EIF3CL: variants seen among roughly 807,000 people sequenced by gnomAD.
EIF3CL encodes the protein eukaryotic translation initiation factor 3 subunit C like.
For synonymous variants in EIF3CL, 2 were observed against 19.6 expected, an observed-to-expected ratio of 0.10 and a Z score of 2.37; for missense variants, 5 against 56.1, an observed-to-expected ratio of 0.09 and a Z score of 2.91.
the EIF3CL span, among the ~76,000 whole-genome samples, chr16:28,421,689 C>T: frequency 1.1e-3 from 34 of 29,822 alleles, no homozygotes; most frequent in African/African-American, 3.7e-3. Context: ...GGCCTGGTGG[C>T]GTGTGCCTGT....
chr16:28,415,792 CCCTCTCCCTCTCCCTCTCCCTCTT>C, the EIF3CL span, among the ~76,000 whole-genome samples: 7 of 101,628 alleles, frequency 6.9e-5, no homozygotes, highest in Non-Finnish European at 1.1e-4. Context: ...TATTTTCATG[CCCTCTCCCTCTCCCTCTCCCTCTT>C]CCTCTCCCTC....
the EIF3CL span, among the ~76,000 whole-genome samples, chr16:28,417,829 A>T: frequency 2.2e-4 from 18 of 82,110 alleles, no homozygotes; most frequent in Admixed American, 2.5e-4. Context: ...AATAAATTTA[A>T]AAAAAAAAAA....
At chr16:28,387,669 C>G (rs1349952684) in intron 15 of EIF3CL, among the ~76,000 whole-genome samples, 2 of 149,362 alleles carry the variant, frequency 1.3e-5, no homozygotes, top group South Asian at 2.1e-4. Context: ...ACCAGCAGTA[C>G]CCCCAGACAG....
At chr16:28,414,294 G>C in the EIF3CL span, 2 of 269,906 alleles carry the variant, frequency 7.4e-6, 1 homozygote, top group Non-Finnish European at 1.5e-5. Context: ...TGCTCGGGAG[G>C]CTGAGGCAGG....
the EIF3CL span, among the ~76,000 whole-genome samples, chr16:28,416,822 C>CA: frequency 1.2e-5 from 1 of 84,328 alleles, no homozygotes; most frequent in African/African-American, 4.3e-5. Context: ...TCTGCCCGGC[C>CA]GCCCCTACTG....
chr16:28,417,940 G>A, the EIF3CL span, among the ~76,000 whole-genome samples: 4 of 141,736 alleles, frequency 2.8e-5, no homozygotes, highest in African/African-American at 1.0e-4. Context: ...CTACTCAGGA[G>A]GCTGAGGCAG....
the EIF3CL span, among the ~76,000 whole-genome samples, chr16:28,416,860 A>G: frequency 2.5e-5 from 2 of 79,164 alleles, no homozygotes; most frequent in Non-Finnish European, 5.5e-5. Flanking sequence ...CTGCCCGGCC[A>G]GCCGCCCCGT....
upstream of EIF3CL, among the ~76,000 whole-genome samples, chr16:28,405,677 AAAT>A (rs2045681293): frequency 1.5e-5 from 2 of 130,012 alleles, no homozygotes; most frequent in African/African-American, 5.7e-5. Flanking sequence ...TCTTTATTTT[AAAT>A]AATATGTGTA....
the EIF3CL span, among the ~76,000 whole-genome samples, chr16:28,423,807 A>AATATATATATTATATAT: frequency 9.9e-6 from 1 of 100,988 alleles, no homozygotes; most frequent in African/African-American, 3.4e-5. Flanking sequence ...ATATATATAT[A>AATATATATATTATATAT]ATATATATAT....
the EIF3CL span, among the ~76,000 whole-genome samples, chr16:28,423,982 T>G: frequency 2.2e-5 from 1 of 45,108 alleles, no homozygotes; most frequent in South Asian, 6.2e-4. Context: ...CAACCACACC[T>G]GGCTAATTTT....
At chr16:28,415,802 C>T in the EIF3CL span, among the ~76,000 whole-genome samples, 2 of 105,524 alleles carry the variant, frequency 1.9e-5, no homozygotes. Context: ...CCCTCTCCCT[C>T]TCCCTCTCCC....
At chr16:28,415,279 G>T in the EIF3CL span, among the ~76,000 whole-genome samples, 41 of 83,816 alleles carry the variant, frequency 4.9e-4, 1 homozygote, top group Non-Finnish European at 8.9e-4. Flanking sequence ...CATGCCAAAG[G>T]CCCAGGGGCC....
chr16:28,389,686 T>TG (rs1158117966), intron 13 of EIF3CL, among the ~76,000 whole-genome samples: 2 of 644 alleles, frequency 3.1e-3, no homozygotes, highest in Admixed American at 0.016. Flanking sequence ...CGCCTAATTT[T>TG]TTTTGTGTGT....
chr16:28,423,812 A>G, the EIF3CL span, among the ~76,000 whole-genome samples: 2 of 101,934 alleles, frequency 2.0e-5, no homozygotes, highest in East Asian at 2.8e-4. Context: ...TATATAATAT[A>G]TATATTATAT....
At chr16:28,416,733 C>T in the EIF3CL span, among the ~76,000 whole-genome samples, 1 of 120,886 alleles carries the variant, frequency 8.3e-6, no homozygotes, top group Non-Finnish European at 1.8e-5. Flanking sequence ...CGCCCGGCAG[C>T]CACCCCGTCC....
the EIF3CL span, among the ~76,000 whole-genome samples, chr16:28,410,366 CAG>C: frequency 1.4e-4 from 3 of 20,818 alleles, no homozygotes; most frequent in South Asian, 2.7e-3. Context: ...TTAGTAGAGA[CAG>C]GGTTTCACCA....
At chr16:28,417,252 C>T in the EIF3CL span, among the ~76,000 whole-genome samples, 1 of 149,584 alleles carries the variant, frequency 6.7e-6, no homozygotes, top group Non-Finnish European at 1.5e-5. Flanking sequence ...GGCGCCTCTG[C>T]CCGGCCGCCC....
At chr16:28,422,849 A>C in the EIF3CL span, among the ~76,000 whole-genome samples, 1 of 119,604 alleles carries the variant, frequency 8.4e-6, no homozygotes, top group Non-Finnish European at 1.8e-5. Context: ...ACAAAAAAAG[A>C]AAAGAAAAGA....
chr16:28,417,844 C>G, the EIF3CL span, among the ~76,000 whole-genome samples: 1 of 136,970 alleles, frequency 7.3e-6, no homozygotes. Flanking sequence ...AAAAAAAAAA[C>G]TCAAATAAAG....
Sources: gnomAD v4.1 joint callset for allele counts (sites outside exome capture counted in the v4.1 genomes callset) on GRCh38, gnomAD v4.1.1 for gene constraint, MANE v1.5 for transcripts, NCBI Gene and HGNC (gene_info 2026-07-23, HGNC 2026-07-21) for gene names.